DNAAF8: variants seen among roughly 807,000 people sequenced by gnomAD.
The protein encoded by DNAAF8 is dynein axonemal-associated protein 1.
DNAAF8 carries 61 observed loss-of-function variants against 54.6 expected under a neutral mutation model. The ratio of observed to expected loss-of-function variants is 1.12; its 90% confidence interval spans 0.91 to 1.38. The LOEUF (loss-of-function observed/expected upper bound fraction) is 1.38. DNAAF8 is among the 40% of genes most tolerant of loss of function. The pLI, the probability that DNAAF8 is intolerant of heterozygous loss-of-function variation, is 0.00. For missense variants in DNAAF8, 837 were observed against 665.0 expected, an observed-to-expected ratio of 1.26 and a Z score of -2.85; for synonymous variants, 320 against 270.1, an observed-to-expected ratio of 1.18 and a Z score of -1.81.
In DNAAF8 at chr16:4,743,059, A is replaced by C; in HGVS notation, c.800A>C (p.Asp267Ala). The change falls in exon 5 of 10, where the codon GAT becomes GCT. Residue 267 changes from aspartate (D) to alanine (A), a missense_variant. Coordinates refer to ENST00000299320, the MANE Select transcript of DNAAF8 (RefSeq NM_139170.3). The part of the protein sequence containing the change: ...VLSLQQLEAW[D>A]LDDILQSLAG... ...TGATTTCAGCAACTTGAAGCGTGGGATTTGGATGACATCCTTCAGAGTCTG... is the reference window on the plus strand; with the variant it reads ...TGATTTCAGCAACTTGAAGCGTGGGCTTTGGATGACATCCTTCAGAGTCTG... 6.2e-7 allele frequency: 1 copy of C among 1,610,650 alleles called. No homozygotes were observed. The highest frequency in any genetic ancestry group is 8.5e-7 in the Non-Finnish European group (1 of 1,177,722).
In DNAAF8 at chr16:4,746,088, G is replaced by C. The variant is rs1333881622; in HGVS notation, c.1044-287G>C. 7 of 320,684 alleles carry C rather than the reference G, an allele frequency of 2.2e-5. No individual in the cohort carries two copies. In the East Asian group the frequency reaches 3.4e-4, roughly 16 times the overall value. 19.9% of individuals were successfully genotyped at this position (320,684 alleles called of 1,614,324 possible). A position where few individuals can be genotyped will look rare whatever the true frequency, so the allele number is the denominator to read the frequency against. ...TGAGGAACTGAATGTTTTATGCATTGGATTTAAACTGGCTTAAATGTAAAC... is the reference window on the plus strand; with the variant it reads ...TGAGGAACTGAATGTTTTATGCATTCGATTTAAACTGGCTTAAATGTAAAC... On this transcript the variant is annotated intron_variant, in intron 6 of 9. Transcript: ENST00000299320.
Position 4,746,927 on chromosome 16 carries a change from C to A in DNAAF8, c.1182C>A (p.Ser394Arg). The part of the protein sequence containing the change: ...MELPDHLSPE[S>R]SSHSSSDSEE... The stretch of plus-strand genomic sequence containing the variant: ...CAGAAACCCATTTCTCTCCCTGCAG[C>A]TCCAGCCACAGCTCCTCTGACAGTG... Residue 394 changes from serine to arginine, a missense_variant and splice_region_variant, in exon 8 of 10, where the codon AGC becomes AGA. Physicochemically the swap from Ser to Arg is moderately radical, Grantham distance 110. Transcript: ENST00000299320. The A allele has an allele frequency of 6.4e-7, 1 of 1,555,752 alleles. No homozygotes were observed. Among genetic ancestry groups the A allele is most frequent in the Non-Finnish European group, 8.7e-7 (1 of 1,153,466 alleles).
Position 4,746,448 on chromosome 16 carries a change from G to C in DNAAF8, c.1117G>C (p.Glu373Gln). Reference sequence around the variant, plus strand: ...GGCCCAGGGCATGAGGCTTAACGCAGAGTCCCCCACCATCTTTATTGACCT... The same window carrying C: ...GGCCCAGGGCATGAGGCTTAACGCACAGTCCCCCACCATCTTTATTGACCT... ...QLAQGMRLNA[E>Q]SPTIFIDLRQ... Residue 373 changes from glutamate (E) to glutamine (Q), a missense_variant, in exon 7 of 10, where the codon GAG becomes CAG. Physicochemically the swap from Glu to Gln is conservative, Grantham distance 29 (BLOSUM62 2). Transcript: ENST00000299320. 2.5e-6 allele frequency: 4 copies of C among 1,613,730 alleles called. No homozygotes were observed. The highest frequency in any genetic ancestry group is 3.4e-6 in the Non-Finnish European group (4 of 1,179,944).
At position 4,746,999 on chromosome 16, in the gene DNAAF8, G is replaced by A. The variant is rs746162741; in HGVS notation, c.1254G>A (p.Gly418=). Residue 418 remains glycine (G), a synonymous_variant, in exon 8 of 10, where the codon GGG becomes GGA. Coordinates refer to ENST00000299320, the MANE Select transcript of DNAAF8 (RefSeq NM_139170.3). ...EEMAALGDAE[G]ASPSSLGLRT... The stretch of plus-strand genomic sequence containing the variant: ...TGGCAGCTCTGGGAGACGCAGAGGG[G>A]GCATCTCCTTCCTCCCTGGGGCTAC... 9.1e-6 allele frequency: 14 copies of A among 1,539,054 alleles called. No individual in the cohort carries two copies. The highest frequency in any genetic ancestry group is 6.9e-5 in the Admixed American group (3 of 43,552).
chr16:4,739,088 C>T (rs897243779), intron 3 of DNAAF8, among the ~76,000 whole-genome samples: 1 of 152,046 alleles, frequency 6.6e-6, no homozygotes. Context: ...TGAAGGAAAT[C>T]TCCCATCAGC....
At position 4,741,151 on chromosome 16, in the gene DNAAF8, G is replaced by T. The variant is rs527384686; in HGVS notation, c.783+492G>T. Among the ~76,000 whole-genome samples the T allele has an allele frequency of 7.3e-5, 11 of 150,430 alleles. No homozygotes were observed. In the East Asian group the frequency reaches 2.2e-3, roughly 30 times the overall value. The stretch of plus-strand genomic sequence containing the variant: ...CAGGAGGCTGAGGCAGGAGAATGGC[G>T]TGAACCTGGGAGGCGGAGCTTGCAG... On this transcript the variant is annotated intron_variant, in intron 4 of 9. Transcript: ENST00000299320.
chr16:4,734,829 C>G (rs546410246), intron 1 of DNAAF8, 131 bp downstream of exon 1: 8 of 152,250 alleles, frequency 5.3e-5, no homozygotes, highest in African/African-American at 1.9e-4. Flanking sequence ...AAGCTCGACC[C>G]GGGAGGCTGT....
At chr16:4,745,511 C>T (rs2082003758) in intron 6 of DNAAF8, among the ~76,000 whole-genome samples, 1 of 152,202 alleles carries the variant, frequency 6.6e-6, no homozygotes, top group Non-Finnish European at 1.5e-5. Context: ...GAGGCAGGGC[C>T]CCAGGGTCCC....
At chr16:4,736,758 T>A in intron 2 of DNAAF8, 115 bp downstream of exon 2, 1 of 1,161,864 alleles carries the variant, frequency 8.6e-7, no homozygotes, top group Non-Finnish European at 1.1e-6. Context: ...ACCTGTGCAG[T>A]TTGTTGTCAT....
chr16:4,746,339 G>A, intron 6 of DNAAF8, 36 bp from the exon 7 acceptor site: 2 of 1,591,106 alleles, frequency 1.3e-6, no homozygotes, highest in Non-Finnish European at 1.7e-6. Flanking sequence ...TTATCACAGA[G>A]AACTGACTCC....
chr16:4,738,681 G>C (rs910351817), intron 3 of DNAAF8, among the ~76,000 whole-genome samples: 5 of 152,170 alleles, frequency 3.3e-5, no homozygotes, highest in Non-Finnish European at 7.3e-5. Flanking sequence ...TCAGGAGTTT[G>C]AGACCAGCCT....
In DNAAF8 at chr16:4,740,258, G is replaced by GAA; in HGVS notation, c.384_385dup (p.Ser129LysfsTer67). The GAA allele has an allele frequency of 1.9e-6, 3 of 1,614,066 alleles. No individual in the cohort carries two copies. Among genetic ancestry groups the GAA allele is most frequent in the Non-Finnish European group, 2.5e-6 (3 of 1,179,994 alleles). On this transcript the variant is annotated frameshift_variant, in exon 4 of 10. Coordinates refer to ENST00000299320, the MANE Select transcript of DNAAF8 (RefSeq NM_139170.3). LOFTEE classifies it high-confidence loss of function. ...AGGAAGAGACCCTGGCAGGCCTTTT[G>GAA]AAAGCTCTGGTGAGGTCAGCGCTCT...
chr16:4,736,065 C>T (rs1165777868), intron 1 of DNAAF8, among the ~76,000 whole-genome samples: 2 of 151,926 alleles, frequency 1.3e-5, no homozygotes, highest in African/African-American at 4.8e-5. Flanking sequence ...TACTAAACAC[C>T]CTGAGCCTAT....
chr16:4,740,578 C>G lies in DNAAF8; in HGVS notation c.702C>G (p.Pro234=). ...ACAAAGGTGGGGTGAAGGAGGCGCCCTGCCACGCTGCGGAGTCAGCTCCCA... is the reference window on the plus strand; with the variant it reads ...ACAAAGGTGGGGTGAAGGAGGCGCCGTGCCACGCTGCGGAGTCAGCTCCCA... ...SSDKGGVKEA[P]CHAAESAPRS... Residue 234 remains proline, a synonymous_variant, in exon 4 of 10, where the codon CCC becomes CCG. Transcript: ENST00000299320. 6.2e-7 allele frequency: 1 copy of G among 1,613,616 alleles called. No individual in the cohort carries two copies. The highest frequency in any genetic ancestry group is 1.1e-5 in the South Asian group (1 of 91,084).
At chr16:4,741,272 A>T (rs859304) in intron 4 of DNAAF8, among the ~76,000 whole-genome samples, 3 of 147,468 alleles carry the variant, frequency 2.0e-5, no homozygotes, top group Non-Finnish European at 3.0e-5. Context: ...AAACAAAGAA[A>T]GAAAGAATGT....
At chr16:4,739,265 G>GGT (rs1555482695) in intron 3 of DNAAF8, among the ~76,000 whole-genome samples, 3 of 69,030 alleles carry the variant, frequency 4.3e-5, no homozygotes, top group Non-Finnish European at 7.8e-5. Flanking sequence ...ATTTTTTCTT[G>GGT]TTTTTTTTTT....
chr16:4,745,738 G>A (rs2082006514), intron 6 of DNAAF8, among the ~76,000 whole-genome samples: 1 of 152,160 alleles, frequency 6.6e-6, no homozygotes, highest in Admixed American at 6.5e-5. Flanking sequence ...ATCACCTGAT[G>A]TCAGGAGTTC....
chr16:4,747,312 G>A (rs1596488796), intron 8 of DNAAF8, 31 bp from the exon 9 acceptor site: 2 of 1,531,048 alleles, frequency 1.3e-6, no homozygotes, highest in African/African-American at 1.4e-5. Context: ...CCCCCACGGG[G>A]TTGAGTGAAT....
At position 4,744,996 on chromosome 16, in the gene DNAAF8, C is replaced by T; in HGVS notation, c.1028C>T (p.Ala343Val). Reference sequence around the variant, plus strand: ...GACACTCCCCAGGACACCAAAGAGGCAGATTCAGGAAGCAGGTGGGACTTG... The same window carrying T: ...GACACTCCCCAGGACACCAAAGAGGTAGATTCAGGAAGCAGGTGGGACTTG... ...PADTPQDTKE[A>V]DSGSRCASRK... The change falls in exon 6 of 10, where the codon GCA (alanine) becomes GTA (valine). Residue 343 changes from alanine (A) to valine (V), a missense_variant. Transcript: ENST00000299320. The T allele has an allele frequency of 1.2e-6, 2 of 1,613,400 alleles. No homozygotes were observed. Among genetic ancestry groups the T allele is most frequent in the Non-Finnish European group, 1.7e-6 (2 of 1,179,458 alleles).
Sources: gnomAD v4.1 joint callset for allele counts (sites outside exome capture counted in the v4.1 genomes callset) on GRCh38, gnomAD v4.1.1 for gene constraint, MANE v1.5 for transcripts, NCBI Gene and HGNC (gene_info 2026-07-23, HGNC 2026-07-21) for gene names.